The following MAML2 variants were observed in gnomAD, a reference collection of about 807,000 sequenced individuals.
MAML2 encodes mastermind-like protein 2.
A neutral mutation model predicts 96.1 loss-of-function variants in MAML2; 22 were observed. The observed-to-expected ratio is 0.23, with a 90% CI of 0.16 to 0.33. The LOEUF (loss-of-function observed/expected upper bound fraction) is 0.33. Among genes scored for constraint, MAML2 ranks in the 10% least tolerant of loss-of-function variants. The probability of loss-of-function intolerance (pLI) is 1.00; values close to 1 mark genes in which losing one functional copy is unlikely to be tolerated. For missense variants in MAML2, 1,367 were observed against 1,392.4 expected, an observed-to-expected ratio of 0.98 and a Z score of 0.29; for synonymous variants, 561 against 521.3, an observed-to-expected ratio of 1.08 and a Z score of -1.04.
At chr11:95,981,897 GA>G (rs1857745834) in intron 4 of MAML2, among the ~76,000 whole-genome samples, 1 of 152,146 alleles carries the variant, frequency 6.6e-6, no homozygotes. Context: ...GATATGGCCT[GA>G]GAAGGTTTAT....
chr11:96,328,974 ATTG>A lies in MAML2; in HGVS notation c.513+12406_513+12408del, dbSNP rs1393743652. Among the ~76,000 whole-genome samples, 3 of 152,190 alleles carry A rather than the reference ATTG, an allele frequency of 2.0e-5. No homozygotes were observed. In the South Asian group the frequency reaches 6.2e-4, roughly 32 times the overall value. Reference sequence around the variant, plus strand: ...CCCATCCATCAATCTGCACTTTTCAATTGTTATGTATATATGAGAAATAGATAG... The same window carrying A: ...CCCATCCATCAATCTGCACTTTTCAATTATGTATATATGAGAAATAGATAG... On this transcript the variant is annotated intron_variant, in intron 1 of 4. Coordinates refer to ENST00000524717, the MANE Select transcript of MAML2 (RefSeq NM_032427.4).
chr11:96,022,921 C>T lies in MAML2; in HGVS notation c.2140-31198G>A, dbSNP rs2135738264. On this transcript the variant is annotated intron_variant, in intron 2 of 4. Transcript: ENST00000524717. ...GTAGACATGACGCTTAACCTCAAAA[C>T]CAGTGATGATGGTATCTTTGTGTTT... Among the ~76,000 whole-genome samples, 8 of 152,238 alleles carry T rather than the reference C, an allele frequency of 5.3e-5. 1 individual carries two copies. The South Asian group carries it at 1.7e-3, about 32-fold the overall frequency.
At chr11:96,074,933 G>C (rs1422490861) in intron 2 of MAML2, among the ~76,000 whole-genome samples, 1 of 152,096 alleles carries the variant, frequency 6.6e-6, no homozygotes, top group East Asian at 1.9e-4. Flanking sequence ...TGCATATTTT[G>C]CTTTTGATTT....
At chr11:96,330,184 A>G (rs1388725043) in intron 1 of MAML2, among the ~76,000 whole-genome samples, 2 of 152,238 alleles carry the variant, frequency 1.3e-5, no homozygotes, top group African/African-American at 4.8e-5. Flanking sequence ...CAGTGATCTG[A>G]GGAAGCCTAG....
At chr11:96,042,829 C>T (rs1858838298) in intron 2 of MAML2, among the ~76,000 whole-genome samples, 1 of 149,950 alleles carries the variant, frequency 6.7e-6, no homozygotes, top group South Asian at 2.1e-4. Context: ...ACTGCGTCCT[C>T]CAACTTCTGG....
intron 1 of MAML2, among the ~76,000 whole-genome samples, chr11:96,296,015 A>G (rs1863294117): frequency 6.6e-6 from 1 of 151,732 alleles, no homozygotes; most frequent in Non-Finnish European, 1.5e-5. Flanking sequence ...CTCCTACTGT[A>G]TGCAGTACAT....
chr11:96,228,664 T>C (rs1862247937), intron 1 of MAML2, among the ~76,000 whole-genome samples: 2 of 152,260 alleles, frequency 1.3e-5, no homozygotes, highest in African/African-American at 4.8e-5. Context: ...CAGGGTTTCC[T>C]TGCTCAGTCG....
chr11:96,258,355 G>T (rs1862697808), intron 1 of MAML2, among the ~76,000 whole-genome samples: 1 of 152,154 alleles, frequency 6.6e-6, no homozygotes, highest in Non-Finnish European at 1.5e-5. Context: ...AAGAAAAAAT[G>T]TTTGTTTCAA....
Position 96,342,606 on chromosome 11 carries a change from T to C in MAML2, c.-711A>G, listed in dbSNP as rs1315033138. On this transcript the variant is annotated 5_prime_UTR_variant, in exon 1 of 5. Coordinates refer to ENST00000524717, the MANE Select transcript of MAML2 (RefSeq NM_032427.4). ...TTCTCCTCTTTGGGGTACTGTAGGA[T>C]GTTGTCTTCTCCCAAAAGAGGGAGA... 5 of 393,344 alleles carry C rather than the reference T, an allele frequency of 1.3e-5. No individual in the cohort carries two copies. Among genetic ancestry groups the C allele is most frequent in the Admixed American group, 8.9e-5 (2 of 22,580 alleles). The allele number at this position is 393,344 out of a possible 1,614,324, so 24.4% of individuals were successfully genotyped here.
intron 2 of MAML2, among the ~76,000 whole-genome samples, chr11:96,026,737 A>G (rs1348084837): frequency 1.3e-5 from 2 of 151,748 alleles, no homozygotes; most frequent in Non-Finnish European, 2.9e-5. Context: ...GAAAGGAGGG[A>G]TGATGTAGAT....
chr11:96,110,559 G>A (rs529250135), intron 1 of MAML2, among the ~76,000 whole-genome samples: 8 of 152,304 alleles, frequency 5.3e-5, no homozygotes, highest in East Asian at 3.9e-4. Context: ...AGGAACTTCC[G>A]TATGCATCTG....
At chr11:96,216,438 G>T (rs140793747) in intron 1 of MAML2, among the ~76,000 whole-genome samples, 563 of 152,154 alleles carry the variant, frequency 3.7e-3, no homozygotes, top group African/African-American at 5.2e-3. Flanking sequence ...TCTTCCCAGA[G>T]AATTTTACTT....
At chr11:96,183,601 G>C (rs1861525469) in intron 1 of MAML2, among the ~76,000 whole-genome samples, 3 of 150,674 alleles carry the variant, frequency 2.0e-5, no homozygotes, top group African/African-American at 7.3e-5. Context: ...GCAACAGGGG[G>C]ATCTCCCTGT....
intron 2 of MAML2, among the ~76,000 whole-genome samples, chr11:96,026,741 TGTAGATGCAACACGA>T (rs1349279223): frequency 1.3e-5 from 2 of 150,684 alleles, no homozygotes; most frequent in Non-Finnish European, 2.9e-5. Flanking sequence ...GGAGGGATGA[TGTAGATGCAACACGA>T]GTAGATACGG....
At chr11:96,284,334 T>C (rs572694248) in intron 1 of MAML2, among the ~76,000 whole-genome samples, 71 of 152,332 alleles carry the variant, frequency 4.7e-4, no homozygotes, top group Non-Finnish European at 8.7e-4. Context: ...ACACTTCCAT[T>C]TGGATATTTT....
intron 3 of MAML2, among the ~76,000 whole-genome samples, chr11:95,991,082 T>A (rs771398772): frequency 6.6e-6 from 1 of 151,878 alleles, no homozygotes; most frequent in South Asian, 2.1e-4. Flanking sequence ...TGAGTTGCTT[T>A]ATTTTGGAAG....
chr11:96,335,622 C>A (rs574237906), intron 1 of MAML2, among the ~76,000 whole-genome samples: 1 of 152,148 alleles, frequency 6.6e-6, no homozygotes, highest in Non-Finnish European at 1.5e-5. Flanking sequence ...TTAGGCAATG[C>A]GCTGTGAGAA....
chr11:96,286,382 A>T (rs1018458720), intron 1 of MAML2, among the ~76,000 whole-genome samples: 11 of 152,164 alleles, frequency 7.2e-5, no homozygotes, highest in Admixed American at 5.9e-4. Flanking sequence ...CAGGTTTAAT[A>T]CCTAGGTGGT....
intron 1 of MAML2, among the ~76,000 whole-genome samples, chr11:96,266,847 T>C (rs1461737060): frequency 6.6e-6 from 1 of 152,216 alleles, no homozygotes; most frequent in African/African-American, 2.4e-5. Context: ...GAAATGTGGT[T>C]AATAATGAGC....
Sources: gnomAD v4.1 joint callset for allele counts (sites outside exome capture counted in the v4.1 genomes callset) on GRCh38, gnomAD v4.1.1 for gene constraint, MANE v1.5 for transcripts, NCBI Gene and HGNC (gene_info 2026-07-23, HGNC 2026-07-21) for gene names.